The following CSMD1 variants were observed in gnomAD, a reference collection of about 807,000 sequenced individuals.
The protein encoded by CSMD1 is CUB and Sushi multiple domains 1.
CSMD1 carries 213 observed loss-of-function variants against 417.5 expected under a neutral mutation model. The ratio of observed to expected loss-of-function variants is 0.51; its 90% CI spans 0.46 to 0.57. CSMD1 has a LOEUF of 0.57. CSMD1 is among the 20% of genes least tolerant of loss of function. The pLI is 0.00. For synonymous variants in CSMD1, 2,862 were observed against 1,736.8 expected, an observed-to-expected ratio of 1.65 and a Z score of -16.11; for missense variants, 6,923 against 4,529.7, an observed-to-expected ratio of 1.53 and a Z score of -15.17.
chr8:3,871,875 T>C (rs1805503229), intron 5 of CSMD1, among the ~76,000 whole-genome samples: 1 of 152,160 alleles, frequency 6.6e-6, no homozygotes, highest in East Asian at 1.9e-4. Flanking sequence ...TGAAAGAAAA[T>C]AACAGGTGTT....
rs567212003 is a variant in CSMD1 at position 4,756,248 on chromosome 8, C to A, written c.86-118690G>T. Among the ~76,000 whole-genome samples, 439 of 152,206 alleles carry A rather than the reference C, an allele frequency of 2.9e-3. 2 individuals are homozygous for A. The highest frequency in any genetic ancestry group is 5.2e-3 in the Non-Finnish European group (354 of 67,994). ...CATCATGATGATGAAATGGGTTATA[C>A]AGAAAAGAGCTAGTATAAAATCACA... On this transcript the variant is annotated intron_variant, in intron 1 of 69. Transcript: ENST00000635120.
intron 4 of CSMD1, among the ~76,000 whole-genome samples, chr8:3,998,918 C>G (rs978354308): frequency 6.8e-6 from 1 of 148,102 alleles, no homozygotes; most frequent in Non-Finnish European, 1.5e-5. Flanking sequence ...ATATAAATAA[C>G]AAACTATATA....
chr8:3,784,136 CTCTT>C (rs145248599), intron 5 of CSMD1, among the ~76,000 whole-genome samples: 25,806 of 151,916 alleles, frequency 0.17, 2,420 homozygotes, highest in East Asian at 0.3. Flanking sequence ...TTTTTCCTCT[CTCTT>C]TCTCTCTCTC....
At chr8:4,176,917 C>A (rs561394310) in intron 3 of CSMD1, among the ~76,000 whole-genome samples, 6 of 149,702 alleles carry the variant, frequency 4.0e-5, no homozygotes, top group African/African-American at 1.2e-4. Context: ...CAGGAGCACC[C>A]AGATTCATAA....
intron 1 of CSMD1, among the ~76,000 whole-genome samples, chr8:4,712,044 G>C (rs941324547): frequency 6.6e-6 from 1 of 152,188 alleles, no homozygotes; most frequent in Non-Finnish European, 1.5e-5. Context: ...ATTTTCTCAG[G>C]AGAAATCCCA....
intron 5 of CSMD1, among the ~76,000 whole-genome samples, chr8:3,833,208 A>AT (rs1232187606): frequency 6.6e-6 from 1 of 152,068 alleles, no homozygotes; most frequent in Non-Finnish European, 1.5e-5. Flanking sequence ...TTAATCAAGA[A>AT]TTTTTTTGTC....
At position 3,670,829 on chromosome 8, in the gene CSMD1, G is replaced by T. The variant is rs933706073; in HGVS notation, c.1009+37585C>A. On this transcript the variant is annotated intron_variant, in intron 7 of 69. Transcript: ENST00000635120. The stretch of plus-strand genomic sequence containing the variant: ...TATATGTATATGGGATATATGTATA[G>T]GGGATATATATGTATATGGGATATA... Among the ~76,000 whole-genome samples the T allele has an allele frequency of 4.8e-5, 7 of 145,790 alleles. No homozygotes were observed. In the Admixed American group the frequency reaches 4.8e-4, roughly 10 times the overall value.
At chr8:4,638,760 G>T (rs1419375861) in intron 1 of CSMD1, among the ~76,000 whole-genome samples, 1 of 152,168 alleles carries the variant, frequency 6.6e-6, no homozygotes, top group African/African-American at 2.4e-5. Context: ...TGAGGGTTTA[G>T]GATTGACATG....
chr8:4,397,995 T>C (rs1278264398), intron 3 of CSMD1, among the ~76,000 whole-genome samples: 4 of 152,202 alleles, frequency 2.6e-5, no homozygotes, highest in Admixed American at 1.3e-4. Context: ...GATTTTTAAA[T>C]ACCTTTGTCT....
At chr8:3,401,136 T>C in intron 15 of CSMD1, among the ~76,000 whole-genome samples, 1 of 152,024 alleles carries the variant, frequency 6.6e-6, no homozygotes, top group East Asian at 1.9e-4. Flanking sequence ...ATGTTAAATA[T>C]ATAACTTTTA....
rs906064134 is a variant in CSMD1, at chr8:3,195,368, G to T, written c.5194+4346C>A. Among the ~76,000 whole-genome samples the T allele has an allele frequency of 5.3e-5, 8 of 152,024 alleles. No individual in the cohort carries two copies. In the East Asian group the frequency reaches 1.4e-3, roughly 26 times the overall value. ...CCTCTCTTGGCCTCTGTTTTCAGGC[G>T]GATTGATTCTAATGTTGAAAGACGT... is the stretch of plus-strand genomic sequence containing the variant. On this transcript the variant is annotated intron_variant, in intron 33 of 69. Transcript: ENST00000635120.
chr8:4,885,294 T>C (rs1015063965), intron 1 of CSMD1, among the ~76,000 whole-genome samples: 4 of 152,082 alleles, frequency 2.6e-5, no homozygotes, highest in Non-Finnish European at 5.9e-5. Flanking sequence ...TAGTTTTCCT[T>C]CTTTTTTTTA....
chr8:3,658,297 A>C (rs970544299), intron 7 of CSMD1, among the ~76,000 whole-genome samples: 4 of 152,060 alleles, frequency 2.6e-5, no homozygotes, highest in African/African-American at 9.7e-5. Context: ...ATTTGTGTAT[A>C]AACAATGGAT....
intron 3 of CSMD1, among the ~76,000 whole-genome samples, chr8:4,366,820 T>G (rs1802102318): frequency 6.6e-6 from 1 of 152,166 alleles, no homozygotes; most frequent in Non-Finnish European, 1.5e-5. Flanking sequence ...AACTCGTCAT[T>G]TGGTTTGCTG....
At chr8:3,841,739 C>T (rs1803150013) in intron 5 of CSMD1, among the ~76,000 whole-genome samples, 1 of 152,128 alleles carries the variant, frequency 6.6e-6, no homozygotes, top group Non-Finnish European at 1.5e-5. Context: ...TCCCTCCTAG[C>T]TTTAACTGAG....
intron 3 of CSMD1, among the ~76,000 whole-genome samples, chr8:4,347,591 T>C (rs1800844792): frequency 6.6e-6 from 1 of 152,122 alleles, no homozygotes; most frequent in Non-Finnish European, 1.5e-5. Context: ...CCAAAGAGAA[T>C]GTAGATATTG....
chr8:4,610,900 C>A (rs1406206395), intron 2 of CSMD1, among the ~76,000 whole-genome samples: 3 of 152,088 alleles, frequency 2.0e-5, no homozygotes, highest in Non-Finnish European at 4.4e-5. Flanking sequence ...ATTTAATTGT[C>A]CATGAGGAGT....
intron 2 of CSMD1, among the ~76,000 whole-genome samples, chr8:4,466,506 A>G (rs982042553): frequency 6.6e-6 from 1 of 152,196 alleles, no homozygotes; most frequent in Non-Finnish European, 1.5e-5. Context: ...GTTGAAGTTT[A>G]TTGTTTAGAA....
intron 1 of CSMD1, among the ~76,000 whole-genome samples, chr8:4,688,334 C>A (rs1478755504): frequency 6.6e-6 from 1 of 152,220 alleles, no homozygotes; most frequent in East Asian, 1.9e-4. Flanking sequence ...GGTCAAGTCA[C>A]CAGAACTAAA....
Sources: gnomAD v4.1 joint callset for allele counts (sites outside exome capture counted in the v4.1 genomes callset) on GRCh38, gnomAD v4.1.1 for gene constraint, MANE v1.5 for transcripts, NCBI Gene and HGNC (gene_info 2026-07-23, HGNC 2026-07-21) for gene names.